LAP3: variants seen among roughly 807,000 people sequenced by gnomAD.
LAP3 encodes the protein cytosol aminopeptidase.
A neutral mutation model predicts 58.8 loss-of-function variants in LAP3; 46 were observed. The ratio of observed to expected loss-of-function variants is 0.78; its 90% CI spans 0.62 to 1.00. The LOEUF (loss-of-function observed/expected upper bound fraction) is 1.00, where lower values mean the gene tolerates loss of function less well. Ranked by LOEUF, LAP3 falls within the 50% of genes least tolerant of loss-of-function variation. LAP3 has a pLI of 0.00. For missense variants in LAP3, 615 were observed against 659.1 expected, an observed-to-expected ratio of 0.93 and a Z score of 0.73; for synonymous variants, 257 against 237.7, an observed-to-expected ratio of 1.08 and a Z score of -0.75.
chr4:17,579,021 A>C (rs1320203384), intron 1 of LAP3, among the ~76,000 whole-genome samples: 1 of 152,228 alleles, frequency 6.6e-6, no homozygotes, highest in Non-Finnish European at 1.5e-5. Flanking sequence ...ATGTATTAAC[A>C]AGAGAAAAGG....
intron 9 of LAP3, 119 bp downstream of exon 9, chr4:17,597,253 G>A (rs1403236789): frequency 3.7e-6 from 3 of 815,144 alleles, no homozygotes; most frequent in Non-Finnish European, 6.4e-6. Flanking sequence ...GGAGGGTGCT[G>A]TCTTTAGTGC....
At chr4:17,605,668 T>C (rs993307536) in intron 11 of LAP3, among the ~76,000 whole-genome samples, 3 of 152,196 alleles carry the variant, frequency 2.0e-5, no homozygotes, top group Admixed American at 6.5e-5. Flanking sequence ...AGCCCAATTT[T>C]CCCAGTTCTG....
chr4:17,580,185 T>TATATATATATATGTA, intron 2 of LAP3, among the ~76,000 whole-genome samples: 71 of 32,054 alleles, frequency 2.2e-3, no homozygotes, highest in African/African-American at 0.011. Context: ...TATATATGTA[T>TATATATATATATGTA]TTTTTTTTTT....
At chr4:17,607,369 G>T (rs528587921) in intron 12 of LAP3, 31 bp from the exon 13 acceptor site, 8 of 1,593,332 alleles carry the variant, frequency 5.0e-6, no homozygotes, top group Non-Finnish European at 6.0e-6. Flanking sequence ...TTTACATGGG[G>T]TTGTAAAGTG....
Position 17,607,558 on chromosome 4 carries a change from TCTTA to T in LAP3, c.1533_1536del (p.Leu511PhefsTer38). On this transcript the variant is annotated frameshift_variant, in exon 13 of 13. Coordinates refer to ENST00000226299, the MANE Select transcript of LAP3 (RefSeq NM_015907.3). LOFTEE classifies it high-confidence loss of function. Reference sequence around the variant, plus strand: ...AGGCCCACAAGGACTCTCATTGAGTTCTTACTTCGTTTCAGTCAAGACAATGCTT... The same window carrying T: ...AGGCCCACAAGGACTCTCATTGAGTTCTTCGTTTCAGTCAAGACAATGCTT... The T allele has an allele frequency of 6.2e-7, 1 of 1,613,372 alleles. No homozygotes were observed. The highest frequency in any genetic ancestry group is 8.5e-7 in the Non-Finnish European group (1 of 1,179,854).
At chr4:17,600,884 G>A (rs1205779488) in intron 10 of LAP3, among the ~76,000 whole-genome samples, 2 of 152,156 alleles carry the variant, frequency 1.3e-5, no homozygotes, top group Non-Finnish European at 2.9e-5. Flanking sequence ...CATAAAAGGG[G>A]TATAATAGCA....
chr4:17,598,530 G>A lies in LAP3; in HGVS notation c.1152G>A (p.Lys384=). The A allele has an allele frequency of 6.2e-7, 1 of 1,614,072 alleles. No homozygotes were observed. Among genetic ancestry groups the A allele is most frequent in the Non-Finnish European group, 8.5e-7 (1 of 1,179,958 alleles). Residue 384 remains lysine, a synonymous_variant, in exon 10 of 13, where the codon AAG becomes AAA. Transcript: ENST00000226299. ...ALCYAHTFNP[K]VILNAATLTG... ...GTTACGCACACACGTTTAACCCGAA[G>A]GTCATCCTCAATGCCGCCACCTTAA... is the stretch of plus-strand genomic sequence containing the variant.
rs115216371 is a variant in LAP3, at chr4:17,579,013, G to A, written c.103-811G>A. Reference sequence around the variant, plus strand: ...GGGCCTAAGAAAACTGACATAAGATGTATTAACAAGAGAAAAGGATACAGA... The same window carrying A: ...GGGCCTAAGAAAACTGACATAAGATATATTAACAAGAGAAAAGGATACAGA... On this transcript the variant is annotated intron_variant, in intron 1 of 12. Coordinates refer to ENST00000226299, the MANE Select transcript of LAP3 (RefSeq NM_015907.3). Among the ~76,000 whole-genome samples the A allele has an allele frequency of 4.7e-3, 715 of 152,278 alleles. 4 individuals are homozygous for A. Among genetic ancestry groups the A allele is most frequent in the African/African-American group, 0.017 (693 of 41,552 alleles).
At chr4:17,592,924 G>A (rs1465586324) in intron 7 of LAP3, among the ~76,000 whole-genome samples, 47 of 152,256 alleles carry the variant, frequency 3.1e-4, no homozygotes, top group South Asian at 2.1e-4. Flanking sequence ...TCAGCCTCCC[G>A]AGTAGCCGGG....
At chr4:17,588,010 G>T (rs1713571889) in intron 6 of LAP3, among the ~76,000 whole-genome samples, 1 of 147,468 alleles carries the variant, frequency 6.8e-6, no homozygotes, top group African/African-American at 2.5e-5. Flanking sequence ...AGCACTCTTT[G>T]TGGTCTCAGA....
chr4:17,592,805 A>C (rs1713721327), intron 7 of LAP3, among the ~76,000 whole-genome samples: 1 of 152,302 alleles, frequency 6.6e-6, no homozygotes, highest in Admixed American at 6.5e-5. Context: ...TGACTAATGA[A>C]GTCGGTCATT....
Position 17,597,089 on chromosome 4 carries a change from C to T in LAP3, c.1032C>T (p.Asn344=). The part of the protein sequence containing the change: ...LCENMPSGKA[N]KPGDVVRAKN... Reference sequence around the variant, plus strand: ...AAAATATGCCCAGCGGCAAGGCCAACAAGCCGGGGGATGTTGTTAGAGCCA... The same window carrying T: ...AAAATATGCCCAGCGGCAAGGCCAATAAGCCGGGGGATGTTGTTAGAGCCA... The change falls in exon 9 of 13, where the codon AAC becomes AAT. Residue 344 remains asparagine, a synonymous_variant. Coordinates refer to ENST00000226299, the MANE Select transcript of LAP3 (RefSeq NM_015907.3). The T allele has an allele frequency of 6.2e-7, 1 of 1,614,234 alleles. No individual in the cohort carries two copies. The highest frequency in any genetic ancestry group is 8.5e-7 in the Non-Finnish European group (1 of 1,180,040).
At chr4:17,582,173 G>A in intron 3 of LAP3, 115 bp from the exon 4 acceptor site, 2 of 835,684 alleles carry the variant, frequency 2.4e-6, no homozygotes, top group Admixed American at 2.6e-5. Flanking sequence ...TAGCCCTGTT[G>A]CTGCAGTTAA....
chr4:17,601,684 A>C (rs764403130), intron 10 of LAP3, among the ~76,000 whole-genome samples: 3 of 152,158 alleles, frequency 2.0e-5, no homozygotes, highest in African/African-American at 7.2e-5. Context: ...ACCTATGTAC[A>C]TCCTCCAGTA....
chr4:17,606,872 T>C lies in LAP3; in HGVS notation c.1304T>C (p.Phe435Ser). 1 of 1,613,558 alleles carries C rather than the reference T, an allele frequency of 6.2e-7. No individual in the cohort carries two copies. The highest frequency in any genetic ancestry group is 8.5e-7 in the Non-Finnish European group (1 of 1,179,988). ...GACCGTGTCTGGAGGATGCCTCTCT[T>C]CGAACATTATACAAGACAGGTTGTA... ...TGDRVWRMPL[F>S]EHYTRQVVDC... is the part of the protein sequence containing the mutation. The change falls in exon 12 of 13, where the codon TTC becomes TCC. Residue 435 changes from phenylalanine to serine, a missense_variant. Phe to Ser is a radical substitution (Grantham distance 155). Coordinates refer to ENST00000226299, the MANE Select transcript of LAP3 (RefSeq NM_015907.3).
At chr4:17,581,734 A>G (rs202203784) in intron 2 of LAP3, 26 bp from the exon 3 acceptor site, 14 of 1,606,132 alleles carry the variant, frequency 8.7e-6, no homozygotes, top group Admixed American at 3.3e-5. Flanking sequence ...TACTTGTTTT[A>G]AAACGACTAT....
chr4:17,588,689 T>C (rs1713594892), intron 6 of LAP3, 130 bp from the exon 7 acceptor site: 1 of 796,120 alleles, frequency 1.3e-6, no homozygotes, highest in East Asian at 2.7e-5. Context: ...ACCTGATAAT[T>C]GAAACCTTAA....
chr4:17,590,381 G>A (rs1005427137), intron 7 of LAP3, among the ~76,000 whole-genome samples: 3 of 152,110 alleles, frequency 2.0e-5, no homozygotes, highest in African/African-American at 7.2e-5. Context: ...GTCTCCTTGT[G>A]TTAGCAGGTC....
Position 17,588,887 on chromosome 4 carries a change from C to T in LAP3, c.773C>T (p.Pro258Leu), listed in dbSNP as rs1305030451. Residue 258 changes from proline (P) to leucine (L), a missense_variant, in exon 7 of 13, where the codon CCC (proline) becomes CTC (leucine). Physicochemically the swap from Pro to Leu is moderately conservative, Grantham distance 98. Coordinates refer to ENST00000226299, the MANE Select transcript of LAP3 (RefSeq NM_015907.3). ...AGTGTGGCCAAAGGATCTGACGAGC[C>T]CCCAGTCTTCTTGGAAATTCACTAC... ...FLSVAKGSDE[P>L]PVFLEIHYKG... The T allele has an allele frequency of 2.5e-6, 4 of 1,613,978 alleles. No homozygotes were observed. Among genetic ancestry groups the T allele is most frequent in the Non-Finnish European group, 3.4e-6 (4 of 1,180,024 alleles).
Sources: gnomAD v4.1 joint callset for allele counts (sites outside exome capture counted in the v4.1 genomes callset) on GRCh38, gnomAD v4.1.1 for gene constraint, MANE v1.5 for transcripts, NCBI Gene and HGNC (gene_info 2026-07-23, HGNC 2026-07-21) for gene names.